The following DMXL1 variants were observed in gnomAD, a reference collection of about 807,000 sequenced individuals.
DMXL1 encodes the protein Dmx like 1.
Under a neutral mutation model 319.2 loss-of-function variants are expected in DMXL1, and 99 were observed. The observed-to-expected ratio is 0.31, with a 90% CI of 0.26 to 0.37. DMXL1 has a LOEUF of 0.37. Ranked by LOEUF, DMXL1 falls within the 10% of genes least tolerant of loss-of-function variation. The pLI is 1.00. For synonymous variants in DMXL1, 1,385 were observed against 1,235.2 expected (o/e 1.12, Z -2.54); for missense variants, 3,745 against 3,595.6 (o/e 1.04, Z -1.06).
intron 37 of DMXL1, among the ~76,000 whole-genome samples, chr5:119,221,738 A>G (rs989655398): frequency 6.6e-6 from 1 of 151,780 alleles, no homozygotes; most frequent in Non-Finnish European, 1.5e-5. Context: ...ATTAATAACT[A>G]TATCCATATT....
intron 9 of DMXL1, among the ~76,000 whole-genome samples, chr5:119,122,050 A>C (rs1325123802): frequency 9.5e-6 from 1 of 105,794 alleles, no homozygotes; most frequent in Non-Finnish European, 1.9e-5. Context: ...TGACCCCCCA[A>C]CCTCCCTCCC....
intron 1 of DMXL1, among the ~76,000 whole-genome samples, chr5:119,091,499 T>G (rs1268055679): frequency 6.6e-6 from 1 of 152,238 alleles, no homozygotes; most frequent in Non-Finnish European, 1.5e-5. Context: ...CGTGATCCAC[T>G]GTGCTTGGCC....
chr5:119,217,475 G>T (rs1035002577), intron 35 of DMXL1, among the ~76,000 whole-genome samples: 6 of 152,122 alleles, frequency 3.9e-5, no homozygotes, highest in African/African-American at 1.4e-4. Context: ...ACTCCTCACA[G>T]AAGAGGTGGC....
Position 119,205,034 on chromosome 5 carries a change from C to T in DMXL1, c.7863+1598C>T, listed in dbSNP as rs190091695. 7.2e-5 allele frequency among the ~76,000 whole-genome samples: 11 copies of T among 152,180 alleles called. No homozygotes were observed. The East Asian group carries it at 1.9e-3, about 27-fold the overall frequency. ...CATTTTGTAAATATATTCAAATCGA[C>T]CAAGTCAGGAAATAGTATGTAGTGT... is the stretch of plus-strand genomic sequence containing the variant. On this transcript the variant is annotated intron_variant, in intron 33 of 43. Transcript: ENST00000539542.
intron 35 of DMXL1, among the ~76,000 whole-genome samples, chr5:119,219,057 C>G (rs1272572945): frequency 6.6e-6 from 1 of 152,116 alleles, no homozygotes; most frequent in Non-Finnish European, 1.5e-5. Context: ...ACATACGACT[C>G]TTGGATCAGA....
At chr5:119,076,854 G>A (rs1750992436) in intron 1 of DMXL1, among the ~76,000 whole-genome samples, 1 of 152,184 alleles carries the variant, frequency 6.6e-6, no homozygotes, top group South Asian at 2.1e-4. Context: ...TTATATGCTT[G>A]ATAGCACACA....
intron 6 of DMXL1, among the ~76,000 whole-genome samples, chr5:119,115,744 T>G (rs1281310073): frequency 6.6e-6 from 1 of 152,222 alleles, no homozygotes; most frequent in African/African-American, 2.4e-5. Context: ...ACATTTTCTT[T>G]GAAAAGTCAC....
At chr5:119,073,915 T>G (rs1750218617) in intron 1 of DMXL1, among the ~76,000 whole-genome samples, 1 of 151,474 alleles carries the variant, frequency 6.6e-6, no homozygotes, top group Non-Finnish European at 1.5e-5. Flanking sequence ...CTTGAGTTGT[T>G]TTGTGTTGTT....
chr5:119,136,349 A>C (rs772174847), intron 13 of DMXL1, among the ~76,000 whole-genome samples: 17 of 152,232 alleles, frequency 1.1e-4, no homozygotes, highest in Non-Finnish European at 2.2e-4. Context: ...ATTTATGTTA[A>C]CTTACGTTTA....
At chr5:119,093,292 C>T (rs560880152) in intron 1 of DMXL1, among the ~76,000 whole-genome samples, 87 of 152,142 alleles carry the variant, frequency 5.7e-4, no homozygotes, top group African/African-American at 1.7e-3. Flanking sequence ...CAAATGAGCA[C>T]GCCTGGCTAA....
At chr5:119,183,409 T>C (rs897923126) in intron 28 of DMXL1, among the ~76,000 whole-genome samples, 1 of 152,230 alleles carries the variant, frequency 6.6e-6, no homozygotes, top group African/African-American at 2.4e-5. Context: ...TGGTGGTTTA[T>C]TATAAGGAAC....
intron 1 of DMXL1, among the ~76,000 whole-genome samples, chr5:119,077,634 C>CTT (rs1051388359): frequency 1.6e-4 from 11 of 70,712 alleles, no homozygotes; most frequent in Admixed American, 2.8e-4. Flanking sequence ...CCATTCCTGG[C>CTT]TTTTTTTTTT....
At position 119,233,386 on chromosome 5, in the gene DMXL1, C is replaced by G; in HGVS notation, c.8385C>G (p.Gly2795=). The change falls in exon 39 of 44, where the codon GGC becomes GGG. Residue 2795 remains glycine (G), a synonymous_variant. Transcript: ENST00000539542. ...QDGSVRMFEW[G]HSQQITCFRS... is the part of the protein sequence containing the mutation. The stretch of plus-strand genomic sequence containing the variant: ...GAAGTGTCAGAATGTTTGAATGGGG[C>G]CATTCTCAACAAATAACCTGTTTTC... 1 of 1,612,820 alleles carries G rather than the reference C, an allele frequency of 6.2e-7. No individual in the cohort carries two copies. Among genetic ancestry groups the G allele is most frequent in the Non-Finnish European group, 8.5e-7 (1 of 1,179,144 alleles).
At chr5:119,210,856 G>C (rs1357938875) in intron 34 of DMXL1, among the ~76,000 whole-genome samples, 1 of 128,394 alleles carries the variant, frequency 7.8e-6, no homozygotes, top group Non-Finnish European at 1.6e-5. Context: ...TCTTGTTTCT[G>C]ATCTTGGGGA....
chr5:119,149,143 T>C lies in DMXL1; in HGVS notation c.3316T>C (p.Leu1106=), dbSNP rs771418464. Residue 1106 remains leucine, a synonymous_variant, in exon 18 of 44, where the codon TTG becomes CTG. Coordinates refer to ENST00000539542, the MANE Select transcript of DMXL1 (RefSeq NM_001290321.3). ...TCATTTAGATGAGTTAAGCACAGTA[T>C]TGGATTCTGGCATTAGTGTTGATAG... ...TIHLDELSTV[L]DSGISVDSNL... is the part of the protein sequence containing the mutation. 1.2e-5 allele frequency: 19 copies of C among 1,613,820 alleles called. No homozygotes were observed. The South Asian group carries it at 2.0e-4, about 17-fold the overall frequency.
chr5:119,111,884 G>A (rs1759680801), intron 5 of DMXL1, among the ~76,000 whole-genome samples: 1 of 152,108 alleles, frequency 6.6e-6, no homozygotes, highest in South Asian at 2.1e-4. Flanking sequence ...TTCAGAAAAA[G>A]GATGAATGTT....
chr5:119,155,598 G>A (rs939496965), intron 19 of DMXL1, among the ~76,000 whole-genome samples: 1 of 152,076 alleles, frequency 6.6e-6, no homozygotes, highest in Non-Finnish European at 1.5e-5. Context: ...CAACACTTTG[G>A]GATATTGAGG....
chr5:119,245,825 A>G (rs1283820200), intron 43 of DMXL1, among the ~76,000 whole-genome samples: 2 of 151,862 alleles, frequency 1.3e-5, no homozygotes, highest in African/African-American at 4.8e-5. Flanking sequence ...TACAGTTGTG[A>G]GCCACCGCAC....
intron 4 of DMXL1, among the ~76,000 whole-genome samples, chr5:119,106,575 A>T (rs895643712): frequency 6.6e-5 from 10 of 152,198 alleles, no homozygotes; most frequent in Non-Finnish European, 1.0e-4. Flanking sequence ...TCATGCTAAA[A>T]ATTTGAATTT....
Sources: gnomAD v4.1 joint callset for allele counts (sites outside exome capture counted in the v4.1 genomes callset) on GRCh38, gnomAD v4.1.1 for gene constraint, MANE v1.5 for transcripts, NCBI Gene and HGNC (gene_info 2026-07-23, HGNC 2026-07-21) for gene names.